The following RABGAP1 variants were observed in gnomAD, a reference collection of about 807,000 sequenced individuals.
The protein encoded by RABGAP1 is RAB GTPase activating protein 1, also known as rab GTPase-activating protein 1.
Under a neutral mutation model 137.6 loss-of-function variants are expected in RABGAP1, and 23 were observed. That is an observed-to-expected ratio of 0.17 (90% CI 0.12 to 0.24). The LOEUF (loss-of-function observed/expected upper bound fraction) is 0.24. Among genes scored for constraint, RABGAP1 ranks in the 10% least tolerant of loss-of-function variants. The pLI is 1.00. For missense variants in RABGAP1, 906 were observed against 1,275.8 expected, an observed-to-expected ratio of 0.71 and a Z score of 4.42; for synonymous variants, 451 against 450.7, an observed-to-expected ratio of 1.00 and a Z score of -0.01.
chr9:123,070,056 A>C lies in RABGAP1; in HGVS notation c.1909-294A>C, dbSNP rs2034305884. 6.6e-6 allele frequency among the ~76,000 whole-genome samples: 1 copy of C among 152,182 alleles called. No individual in the cohort carries two copies. Among genetic ancestry groups the C allele is most frequent in the South Asian group, 2.1e-4 (1 of 4,824 alleles). On this transcript the variant is annotated intron_variant, in intron 14 of 25. Transcript: ENST00000373647. The surrounding 1 kb of genome is among the most constrained non-coding windows in gnomAD (Gnocchi z 4.4). ...GAGAGGGAAAGGACATCCCAAGGAG[A>C]GGGAACATCATGAACAACAACAAGG...
intron 12 of RABGAP1, among the ~76,000 whole-genome samples, chr9:123,019,309 A>G (rs1275479697): frequency 6.6e-6 from 1 of 152,202 alleles, no homozygotes; most frequent in Non-Finnish European, 1.5e-5. Context: ...CTTAGAACAT[A>G]TAAATATACA....
At position 123,016,228 on chromosome 9, in the gene RABGAP1, T is replaced by C. The variant is rs748992776; in HGVS notation, c.1643+592T>C. ...TAAAAAGAATACATTGCCTTCAGGA[T>C]GGGTGTAGTGGTTCATGCCTGTAAT... On this transcript the variant is annotated intron_variant, in intron 12 of 25. Transcript: ENST00000373647. Among the ~76,000 whole-genome samples, 81 of 152,154 alleles carry C rather than the reference T, an allele frequency of 5.3e-4. 1 individual carries two copies. Among genetic ancestry groups the C allele is most frequent in the Non-Finnish European group, 6.8e-4 (46 of 68,022 alleles).
At chr9:123,078,626 A>G (rs1347446115) in intron 19 of RABGAP1, among the ~76,000 whole-genome samples, 1 of 152,188 alleles carries the variant, frequency 6.6e-6, no homozygotes, top group Non-Finnish European at 1.5e-5. Context: ...AGCCTGGTTC[A>G]GCACACAAGA....
At chr9:123,000,457 A>G (rs748192676) in intron 10 of RABGAP1, among the ~76,000 whole-genome samples, 1 of 152,186 alleles carries the variant, frequency 6.6e-6, no homozygotes, top group African/African-American at 2.4e-5. Flanking sequence ...TTAAATTGCT[A>G]ATCTGAGTCC....
At chr9:123,055,365 T>A (rs113798926) in intron 13 of RABGAP1, among the ~76,000 whole-genome samples, 1 of 151,840 alleles carries the variant, frequency 6.6e-6, no homozygotes. Flanking sequence ...TTTTTTTGTG[T>A]TTTTTGTTTG....
At chr9:123,011,202 C>T (rs2030776015) in intron 11 of RABGAP1, among the ~76,000 whole-genome samples, 1 of 152,054 alleles carries the variant, frequency 6.6e-6, no homozygotes, top group Non-Finnish European at 1.5e-5. Context: ...ATCATGTGAG[C>T]CATGCATCTA....
chr9:123,035,639 CGTGTGTGTGTGT>C (rs5900552), intron 13 of RABGAP1: 294,510 of 717,884 alleles, frequency 0.41, 31,883 homozygotes, highest in South Asian at 0.47. Context: ...ACGGGGTTCC[CGTGTGTGTGTGT>C]GTGTGTGTGT....
At position 122,989,422 on chromosome 9, in the gene RABGAP1, A is replaced by T. The variant is rs145231257; in HGVS notation, c.716A>T (p.Asn239Ile). Residue 239 changes from asparagine to isoleucine, a missense_variant, in exon 5 of 26, where the codon AAT becomes ATT. Asn to Ile is a moderately radical substitution (Grantham distance 149). Around this residue, in one of 9 missense-constraint regions of RABGAP1, gnomAD observed 331 missense variants for 358.3 expected, o/e 0.92. Transcript: ENST00000373647. ...DCFAFTESHY[N>I]AELFRIHVFR... The stretch of plus-strand genomic sequence containing the variant: ...TTTGCTTTCACTGAAAGTCATTACA[A>T]TGCAGAGCTCTTCAGAATACACGTC... 1.2e-6 allele frequency: 2 copies of T among 1,614,122 alleles called. No individual in the cohort carries two copies. The highest frequency in any genetic ancestry group is 3.3e-5 in the Admixed American group (2 of 60,024).
chr9:123,041,572 T>C (rs1003441884), intron 13 of RABGAP1, among the ~76,000 whole-genome samples: 2 of 152,192 alleles, frequency 1.3e-5, no homozygotes, highest in African/African-American at 4.8e-5. Context: ...TGCATATTTC[T>C]GTTAACTCCA....
At chr9:123,057,604 G>A (rs1270279874) in intron 13 of RABGAP1, among the ~76,000 whole-genome samples, 2 of 150,930 alleles carry the variant, frequency 1.3e-5, no homozygotes, top group Admixed American at 1.3e-4. Flanking sequence ...TCACATCCCA[G>A]ACGATGGGCG....
intron 19 of RABGAP1, among the ~76,000 whole-genome samples, chr9:123,088,938 A>G (rs1383704966): frequency 6.6e-6 from 1 of 152,202 alleles, no homozygotes; most frequent in African/African-American, 2.4e-5. Context: ...AAAAGACACC[A>G]CTGGTGACCT....
At chr9:123,074,256 G>A (rs759916113) in intron 16 of RABGAP1, 29 bp from the exon 17 acceptor site, 2 of 1,612,652 alleles carry the variant, frequency 1.2e-6, no homozygotes, top group Non-Finnish European at 1.7e-6. Context: ...ATGCATATGT[G>A]CCCAGAACTA....
chr9:123,067,287 C>G (rs2034207550), intron 14 of RABGAP1, among the ~76,000 whole-genome samples: 1 of 152,218 alleles, frequency 6.6e-6, no homozygotes, highest in African/African-American at 2.4e-5. Context: ...GCTTCATTCT[C>G]TCTCTTCACT....
intron 13 of RABGAP1, among the ~76,000 whole-genome samples, chr9:123,048,703 A>G (rs1403524897): frequency 1.3e-5 from 2 of 152,208 alleles, no homozygotes; most frequent in Non-Finnish European, 2.9e-5. Flanking sequence ...TCACCCATAA[A>G]TTACCTTCCC....
intron 21 of RABGAP1, 58 bp from the exon 22 acceptor site, chr9:123,097,683 G>A: frequency 7.1e-7 from 1 of 1,414,008 alleles, no homozygotes; most frequent in Non-Finnish European, 9.8e-7. Context: ...GCTAAGTAAT[G>A]GAAATCCTTT....
upstream of RABGAP1, among the ~76,000 whole-genome samples, chr9:122,936,065 C>CT (rs1053737944): frequency 8.0e-4 from 121 of 150,768 alleles, no homozygotes; most frequent in African/African-American, 2.3e-3. Flanking sequence ...TCAGGATTCT[C>CT]TTTTTTTTTG....
At chr9:122,941,611 G>A (rs1833573267) in intron 1 of RABGAP1, among the ~76,000 whole-genome samples, 1 of 152,164 alleles carries the variant, frequency 6.6e-6, no homozygotes, top group South Asian at 2.1e-4. Flanking sequence ...TGCCATCTCA[G>A]GTTGGTCTTT....
At chr9:122,991,945 A>G (rs937590213) in intron 6 of RABGAP1, among the ~76,000 whole-genome samples, 16 of 152,106 alleles carry the variant, frequency 1.1e-4, no homozygotes, top group South Asian at 4.1e-4. Flanking sequence ...CCTTCCTGCA[A>G]TGTACCTTCC....
At chr9:122,965,547 C>G (rs1408131050) in intron 2 of RABGAP1, among the ~76,000 whole-genome samples, 1 of 152,100 alleles carries the variant, frequency 6.6e-6, no homozygotes, top group Non-Finnish European at 1.5e-5. Flanking sequence ...CCATGCTTGG[C>G]TACTTTTTGT....
Sources: allele counts gnomAD v4.1 joint callset (sites outside exome capture counted in the v4.1 genomes callset), GRCh38; gene constraint gnomAD v4.1.1; regional missense constraint gnomAD v4.1.1; non-coding constraint Gnocchi (gnomAD v3.1); transcripts MANE v1.5; gene names NCBI Gene and HGNC (gene_info 2026-07-23, HGNC 2026-07-21).